Variants in ANKS6 observed in about 807,000 individuals in gnomAD.
ANKS6 encodes the protein ankyrin repeat and SAM domain-containing protein 6.
Under a neutral mutation model 77.9 loss-of-function variants are expected in ANKS6, and 47 were observed. The observed-to-expected ratio is 0.60, with a 90% CI of 0.48 to 0.77. The LOEUF is 0.77. Among genes scored for constraint, ANKS6 ranks in the 30% least tolerant of loss-of-function variants. The pLI is 0.00. For synonymous variants in ANKS6, 488 were observed against 501.7 expected (o/e 0.97, Z 0.37); for missense variants, 1,150 against 1,159.1 (o/e 0.99, Z 0.11).
At position 98,733,616 on chromosome 9, in the gene ANKS6, C is replaced by G; in HGVS notation, c.*2903G>C. ...AAAAGCGGGGCTTCTCCAATGGTGTCCAAGGAATTCCAGTCTTGCAAAAGC... is the reference window on the plus strand; with the variant it reads ...AAAAGCGGGGCTTCTCCAATGGTGTGCAAGGAATTCCAGTCTTGCAAAAGC... On this transcript the variant is annotated 3_prime_UTR_variant, in exon 15 of 15. Transcript: ENST00000353234. 3 of 985,438 alleles carry G rather than the reference C, an allele frequency of 3.0e-6. No individual in the cohort carries two copies. The highest frequency in any genetic ancestry group is 3.6e-6 in the Non-Finnish European group (3 of 829,966). 61.0% of individuals were successfully genotyped at this position (985,438 alleles called of 1,614,324 possible).
At chr9:98,769,748 C>T (rs1023011847) in intron 10 of ANKS6, among the ~76,000 whole-genome samples, 1 of 152,172 alleles carries the variant, frequency 6.6e-6, no homozygotes, top group Non-Finnish European at 1.5e-5. Flanking sequence ...CTGTCCTTAG[C>T]CCCAATCCCT....
intron 11 of ANKS6, among the ~76,000 whole-genome samples, chr9:98,760,416 TCTAATCCTGCC>T (rs1832946122): frequency 1.3e-5 from 2 of 149,920 alleles, no homozygotes. Flanking sequence ...AATCCTGCCC[TCTAATCCTGCC>T]CTGGTCTTTG....
intron 2 of ANKS6, among the ~76,000 whole-genome samples, chr9:98,785,234 T>C (rs1834500961): frequency 6.6e-6 from 1 of 152,236 alleles, no homozygotes; most frequent in African/African-American, 2.4e-5. Flanking sequence ...CCCATGGACA[T>C]TGTTTAAAAA....
At position 98,796,273 on chromosome 9, in the gene ANKS6, G is replaced by T; in HGVS notation, c.219C>A (p.Cys73Ter). The T allele has an allele frequency of 7.4e-7, 1 of 1,343,810 alleles. No individual in the cohort carries two copies. Among genetic ancestry groups the T allele is most frequent in the Admixed American group, 2.9e-5 (1 of 34,614 alleles). The allele number at this position is 1,343,810 out of a possible 1,614,324, so 83.2% of individuals were successfully genotyped here. The change falls in exon 1 of 15, where the codon TGC (cysteine) becomes TGA (stop). Residue 73 changes from cysteine to a stop codon, truncating the protein, a stop_gained. Transcript: ENST00000353234. LOFTEE classifies it high-confidence loss of function. The part of the protein sequence containing the change: ...GAVGAPVPVD[C>*]SDEAGNTALQ... ...GTGCGGTGTTGCCCGCCTCGTCCGA[G>T]CAATCCACGGGCACCGGAGCCCCGA...
At chr9:98,788,990 T>C (rs982699972) in intron 2 of ANKS6, among the ~76,000 whole-genome samples, 1 of 152,164 alleles carries the variant, frequency 6.6e-6, no homozygotes, top group African/African-American at 2.4e-5. Context: ...TACAGGCTTT[T>C]AAAACATGTT....
At chr9:98,741,398 G>C (rs1396538083) in intron 14 of ANKS6, among the ~76,000 whole-genome samples, 3 of 152,012 alleles carry the variant, frequency 2.0e-5, no homozygotes, top group Non-Finnish European at 4.4e-5. Context: ...AGGCCAGCCT[G>C]GGCAACACAG....
In ANKS6 at chr9:98,773,910, C is replaced by T. The variant is rs1190482537; in HGVS notation, c.1788G>A (p.Arg596=). The part of the protein sequence containing the change: ...MKTALPQRAS[R]GHPVGGGGTD... ...TGCCCCCGCCGCCCACGGGGTGGCC[C>T]CTGCTGGCTCTCTGGGGCAGCGCAG... Residue 596 remains arginine (R), a synonymous_variant, in exon 9 of 15, where the codon AGG becomes AGA. Coordinates refer to ENST00000353234, the MANE Select transcript of ANKS6 (RefSeq NM_173551.5). 2.5e-6 allele frequency: 4 copies of T among 1,586,314 alleles called. No individual in the cohort carries two copies. The highest frequency in any genetic ancestry group is 3.4e-6 in the Non-Finnish European group (4 of 1,170,142).
At chr9:98,757,544 A>G (rs922753458) in intron 11 of ANKS6, among the ~76,000 whole-genome samples, 2 of 152,246 alleles carry the variant, frequency 1.3e-5, no homozygotes, top group African/African-American at 4.8e-5. Flanking sequence ...GAGAGGACAC[A>G]GTATCTGATT....
rs1490570641 is a variant in ANKS6 at position 98,735,312 on chromosome 9, C to T, written c.*1207G>A. Reference sequence around the variant, plus strand: ...CAGGTGTTCTCTTGCCTGTCGAGAGCCTGAAGGCTCTGTATTGTGTCTGCA... The same window carrying T: ...CAGGTGTTCTCTTGCCTGTCGAGAGTCTGAAGGCTCTGTATTGTGTCTGCA... On this transcript the variant is annotated 3_prime_UTR_variant, in exon 15 of 15. Coordinates refer to ENST00000353234, the MANE Select transcript of ANKS6 (RefSeq NM_173551.5). The T allele has an allele frequency of 6.9e-6, 7 of 1,008,934 alleles. No homozygotes were observed. The South Asian group carries it at 2.8e-4, about 40-fold the overall frequency. The allele number at this position is 1,008,934 out of a possible 1,614,324, so 62.5% of individuals were successfully genotyped here.
At chr9:98,772,333 C>G (rs945562638) in intron 9 of ANKS6, among the ~76,000 whole-genome samples, 1 of 152,250 alleles carries the variant, frequency 6.6e-6, no homozygotes, top group Non-Finnish European at 1.5e-5. Context: ...ACAAGCCAAG[C>G]GAAGCCTAGA....
At position 98,756,930 on chromosome 9, in the gene ANKS6, C is replaced by T. The variant is rs151200113; in HGVS notation, c.2143-327G>A. Among the ~76,000 whole-genome samples, 835 of 151,860 alleles carry T rather than the reference C, an allele frequency of 5.5e-3. 15 individuals are homozygous for T. Among genetic ancestry groups the T allele is most frequent in the African/African-American group, 0.019 (783 of 41,356 alleles). ...TGCATTGTGGCTTTGGCCAAGCCCC[C>T]CGAGCTCTCTGGGCCTCAGTTAACC... On this transcript the variant is annotated intron_variant, in intron 11 of 14. Transcript: ENST00000353234.
chr9:98,774,095 C>T lies in ANKS6; in HGVS notation c.1618-15G>A. On this transcript the variant is annotated splice_polypyrimidine_tract_variant and intron_variant, in intron 8 of 14. Coordinates refer to ENST00000353234, the MANE Select transcript of ANKS6 (RefSeq NM_173551.5). ...CCGTTTCGAAGCTGAAAAAGACAGG[C>T]TGAGGGTTAGACAAGCCCCCAGGAG... 6.9e-7 allele frequency: 1 copy of T among 1,449,532 alleles called. No individual in the cohort carries two copies. The highest frequency in any genetic ancestry group is 9.1e-7 in the Non-Finnish European group (1 of 1,095,168). The allele number at this position is 1,449,532 out of a possible 1,614,324, so 89.8% of individuals were successfully genotyped here.
intron 5 of ANKS6, among the ~76,000 whole-genome samples, chr9:98,782,148 G>C (rs2118114883): frequency 6.6e-6 from 1 of 152,276 alleles, no homozygotes; most frequent in South Asian, 2.1e-4. Context: ...AGGATTTCTG[G>C]CTGTGAAGCA....
chr9:98,756,971 G>A (rs1453071775), intron 11 of ANKS6, among the ~76,000 whole-genome samples: 1 of 149,060 alleles, frequency 6.7e-6, no homozygotes, highest in African/African-American at 2.5e-5. Context: ...TAAAATGAAA[G>A]TCTGGCTTAG....
At chr9:98,738,577 A>T (rs946733129) in intron 14 of ANKS6, among the ~76,000 whole-genome samples, 25 of 121,206 alleles carry the variant, frequency 2.1e-4, no homozygotes, top group African/African-American at 6.1e-4. Context: ...ACAAAAAAAT[A>T]AAATAAAAAA....
At chr9:98,753,391 T>C (rs1832530315) in intron 12 of ANKS6, among the ~76,000 whole-genome samples, 1 of 152,198 alleles carries the variant, frequency 6.6e-6, no homozygotes, top group African/African-American at 2.4e-5. Flanking sequence ...GAAGAGTATT[T>C]TCTCAATTTT....
chr9:98,782,632 G>T, intron 4 of ANKS6, 59 bp from the exon 5 acceptor site: 1 of 1,382,244 alleles, frequency 7.2e-7, no homozygotes, highest in Non-Finnish European at 1.0e-6. Context: ...TTGCTCCTGG[G>T]CAACAAAACC....
chr9:98,759,135 T>C (rs954952858), intron 11 of ANKS6, among the ~76,000 whole-genome samples: 1 of 152,138 alleles, frequency 6.6e-6, no homozygotes, highest in Non-Finnish European at 1.5e-5. Context: ...GTGTTATGTA[T>C]CCACCAAGAG....
At chr9:98,787,889 G>T (rs559126053) in intron 2 of ANKS6, among the ~76,000 whole-genome samples, 1 of 152,162 alleles carries the variant, frequency 6.6e-6, no homozygotes, top group South Asian at 2.1e-4. Flanking sequence ...AAATAACGCC[G>T]ACAACACTAT....
Sources: gnomAD v4.1 joint callset for allele counts (sites outside exome capture counted in the v4.1 genomes callset) on GRCh38, gnomAD v4.1.1 for gene constraint, MANE v1.5 for transcripts, NCBI Gene and HGNC (gene_info 2026-07-23, HGNC 2026-07-21) for gene names.